The following RBFOX3 variants were observed in gnomAD, a reference collection of about 807,000 sequenced individuals.
The protein encoded by RBFOX3 is RNA binding protein fox-1 homolog 3.
In RBFOX3, 17 loss-of-function variants were observed where a neutral mutation model predicts 48.7. That is an observed-to-expected ratio of 0.35 (90% CI 0.24 to 0.52). RBFOX3 has a LOEUF of 0.52. RBFOX3 is among the 20% of genes least tolerant of loss of function. The pLI, the probability that RBFOX3 is intolerant of heterozygous loss-of-function variation, is 0.94. For missense variants in RBFOX3, 382 were observed against 497.5 expected, an observed-to-expected ratio of 0.77 and a Z score of 2.21; for synonymous variants, 212 against 209.5, an observed-to-expected ratio of 1.01 and a Z score of -0.10.
At chr17:79,273,329 C>A (rs1479377252) in intron 3 of RBFOX3, among the ~76,000 whole-genome samples, 2 of 152,310 alleles carry the variant, frequency 1.3e-5, no homozygotes, top group African/African-American at 4.8e-5. Context: ...AGACCAAAGT[C>A]TGTATTCAGA....
intron 1 of RBFOX3, chr17:79,516,168 T>C (rs1398948027): frequency 6.6e-6 from 1 of 152,244 alleles, no homozygotes; most frequent in Non-Finnish European, 1.5e-5. Context: ...TCTCTGGGCA[T>C]GACAAATGTT....
chr17:79,170,077 GAGGAAGGA>G (rs913716126), intron 4 of RBFOX3, among the ~76,000 whole-genome samples: 2 of 147,900 alleles, frequency 1.4e-5, no homozygotes, highest in Admixed American at 6.8e-5. Flanking sequence ...AAAGGAAACG[GAGGAAGGA>G]AGGAAGGATG....
intron 3 of RBFOX3, among the ~76,000 whole-genome samples, chr17:79,292,466 G>A (rs561865461): frequency 1.6e-4 from 25 of 152,070 alleles, no homozygotes; most frequent in African/African-American, 3.9e-4. Context: ...GCATGTCCCC[G>A]GCACATGGAA....
At position 79,090,854 on chromosome 17, in the gene RBFOX3, A is replaced by AT. The variant is rs1361644245; in HGVS notation, c.*28dup. 66 of 1,503,924 alleles carry AT rather than the reference A, an allele frequency of 4.4e-5. No individual in the cohort carries two copies. In the African/African-American group the frequency reaches 8.5e-4, roughly 19 times the overall value. The allele number at this position is 1,503,924 out of a possible 1,614,324, so 93.2% of individuals were successfully genotyped here. A position where few individuals can be genotyped will look rare whatever the true frequency, so the allele number is the denominator to read the frequency against. Reference sequence around the variant, plus strand: ...TTTTGTTTTTTTGTTTTTGCCCTTCATGGTCCGAGAAGGAAACGGTGGAAG... The same window carrying AT: ...TTTTGTTTTTTTGTTTTTGCCCTTCATTGGTCCGAGAAGGAAACGGTGGAAG... On this transcript the variant is annotated 3_prime_UTR_variant, in exon 15 of 15. Coordinates refer to ENST00000693108, the MANE Select transcript of RBFOX3 (RefSeq NM_001350451.2).
At chr17:79,138,942 C>G (rs1443372294) in intron 4 of RBFOX3, among the ~76,000 whole-genome samples, 2 of 50,234 alleles carry the variant, frequency 4.0e-5, no homozygotes, top group Non-Finnish European at 1.1e-4. Context: ...TGCATTCACA[C>G]CCCCCTCAGC....
intron 1 of RBFOX3, among the ~76,000 whole-genome samples, chr17:79,516,824 A>G (rs2149936354): frequency 6.6e-6 from 1 of 152,324 alleles, no homozygotes; most frequent in South Asian, 2.1e-4. Context: ...GGAAGCTCTG[A>G]CACACGCTGC....
In RBFOX3 at chr17:79,332,519, T is replaced by C. The variant is rs112022759; in HGVS notation, c.-174-24695A>G. On this transcript the variant is annotated intron_variant, in intron 2 of 14. Coordinates refer to ENST00000693108, the MANE Select transcript of RBFOX3 (RefSeq NM_001350451.2). ...GGGGTGCAGAGGGGAGGGGAGCACATGAGTGAGGGGCAGCCAGAGACAGAG... is the reference window on the plus strand; with the variant it reads ...GGGGTGCAGAGGGGAGGGGAGCACACGAGTGAGGGGCAGCCAGAGACAGAG... Among the ~76,000 whole-genome samples, 290 of 133,562 alleles carry C rather than the reference T, an allele frequency of 2.2e-3. 3 individuals carry two copies. Among genetic ancestry groups the C allele is most frequent in the African/African-American group, 7.1e-3 (266 of 37,602 alleles). The allele number at this position is 133,562 out of a possible 152,430, so 87.6% of individuals were successfully genotyped here.
At position 79,363,865 on chromosome 17, in the gene RBFOX3, C is replaced by G. The variant is rs906014658; in HGVS notation, c.-174-56041G>C. ...GTCCACTGCACTGGGATAAAGCAGA[C>G]GACGGGCTCCTGCAGCCCCTAACTC... is the stretch of plus-strand genomic sequence containing the variant. On this transcript the variant is annotated intron_variant, in intron 2 of 14. Coordinates refer to ENST00000693108, the MANE Select transcript of RBFOX3 (RefSeq NM_001350451.2). This position sits in a 1 kb window ranked among gnomAD's most constrained non-coding sequence, Gnocchi z 4.7. Among the ~76,000 whole-genome samples, 4 of 152,096 alleles carry G rather than the reference C, an allele frequency of 2.6e-5. No individual in the cohort carries two copies. Among genetic ancestry groups the G allele is most frequent in the African/African-American group, 9.7e-5 (4 of 41,394 alleles).
chr17:79,603,186 T>A, intron 1 of RBFOX3, among the ~76,000 whole-genome samples: 1 of 152,132 alleles, frequency 6.6e-6, no homozygotes, highest in East Asian at 1.9e-4. Context: ...TAGATGGGGT[T>A]TCACCATGTT....
chr17:79,322,329 C>T (rs954985466), intron 2 of RBFOX3, among the ~76,000 whole-genome samples: 2 of 152,192 alleles, frequency 1.3e-5, no homozygotes, highest in Non-Finnish European at 2.9e-5. Context: ...TGGGGCTACG[C>T]ACTCCGAACT....
chr17:79,619,995 G>A, the RBFOX3 span, among the ~76,000 whole-genome samples: 1 of 151,326 alleles, frequency 6.6e-6, no homozygotes, highest in Non-Finnish European at 1.5e-5. Context: ...ACACGCACAT[G>A]CACACACATG....
chr17:79,544,340 T>A (rs918428193), intron 1 of RBFOX3, among the ~76,000 whole-genome samples: 19 of 152,162 alleles, frequency 1.2e-4, no homozygotes, highest in African/African-American at 4.3e-4. Flanking sequence ...GGGCACTCGC[T>A]GTGGGCTGAC....
intron 2 of RBFOX3, among the ~76,000 whole-genome samples, chr17:79,414,318 C>T (rs578244020): frequency 6.6e-6 from 1 of 152,314 alleles, no homozygotes; most frequent in Admixed American, 6.5e-5. Flanking sequence ...GGCCACCCTA[C>T]CCCCTTCCTT....
chr17:79,485,434 CAA>C (rs1410456552), intron 1 of RBFOX3, among the ~76,000 whole-genome samples: 94 of 152,202 alleles, frequency 6.2e-4, no homozygotes, highest in Non-Finnish European at 9.7e-4. Context: ...TGAAAGAACC[CAA>C]GAGAAGCTCC....
chr17:79,210,151 G>A (rs1388587756), intron 4 of RBFOX3, among the ~76,000 whole-genome samples: 2 of 152,226 alleles, frequency 1.3e-5, no homozygotes, highest in Admixed American at 6.5e-5. Flanking sequence ...TACCTGCCTG[G>A]GGGGAGGGAT....
intron 4 of RBFOX3, among the ~76,000 whole-genome samples, chr17:79,154,683 T>C (rs962863440): frequency 6.6e-6 from 1 of 152,188 alleles, no homozygotes; most frequent in African/African-American, 2.4e-5. Context: ...GAGACTGGCG[T>C]GGGTTCAGAT....
intron 1 of RBFOX3, chr17:79,598,835 T>C (rs2093634675): frequency 6.6e-6 from 1 of 152,206 alleles, no homozygotes; most frequent in Non-Finnish European, 1.5e-5. Context: ...ATGAGCTTTG[T>C]GGGTACCGTA....
rs183295095 is a variant in RBFOX3 at position 79,160,850 on chromosome 17, C to A, written c.-33-45102G>T. Among the ~76,000 whole-genome samples, 373 of 152,066 alleles carry A rather than the reference C, an allele frequency of 2.5e-3. 3 individuals carry two copies. The highest frequency in any genetic ancestry group is 8.0e-3 in the African/African-American group (332 of 41,456). On this transcript the variant is annotated intron_variant, in intron 4 of 14. Transcript: ENST00000693108. ...CAAAGATTAGCCAGGCATGGTGACG[C>A]ACACCTGTAATCCCAACTACTTAGG... is the stretch of plus-strand genomic sequence containing the variant.
intron 4 of RBFOX3, among the ~76,000 whole-genome samples, chr17:79,177,526 C>A (rs1040468984): frequency 2.0e-5 from 3 of 152,202 alleles, no homozygotes; most frequent in African/African-American, 7.2e-5. Flanking sequence ...TCAGCTTACC[C>A]CCCTCTGCGA....
Sources: allele counts gnomAD v4.1 joint callset (sites outside exome capture counted in the v4.1 genomes callset), GRCh38; gene constraint gnomAD v4.1.1; non-coding constraint Gnocchi (gnomAD v3.1); transcripts MANE v1.5; gene names NCBI Gene and HGNC (gene_info 2026-07-23, HGNC 2026-07-21).